EIF4G1: variants seen among roughly 807,000 people sequenced by gnomAD.
EIF4G1 encodes eukaryotic translation initiation factor 4 gamma 1.
A neutral mutation model predicts 187.8 loss-of-function variants in EIF4G1; 4 were observed. The observed-to-expected ratio is 0.02, with a 90% CI of 0.01 to 0.05. EIF4G1 has a LOEUF of 0.05. Ranked by LOEUF, EIF4G1 falls within the 10% of genes least tolerant of loss-of-function variation. The pLI is 1.00. For synonymous variants in EIF4G1, 844 were observed against 781.4 expected (o/e 1.08, Z -1.34); for missense variants, 1,647 against 2,081.1 (o/e 0.79, Z 4.06).
chr3:184,323,250 G>A lies in EIF4G1; in HGVS notation c.2088+9G>A. 6.2e-7 allele frequency: 1 copy of A among 1,614,090 alleles called. No individual in the cohort carries two copies. The highest frequency in any genetic ancestry group is 8.5e-7 in the Non-Finnish European group (1 of 1,179,962). ...AGCTGCCCCGTGGGCCGGTGAGTGG[G>A]GCTGGGTAAAGTGGCAGGTGGGCAA... On this transcript the variant is annotated intron_variant, in intron 14 of 32. Coordinates refer to ENST00000346169, the MANE Select transcript of EIF4G1 (RefSeq NM_198241.3). The surrounding 1 kb of genome is among the most constrained non-coding windows in gnomAD (Gnocchi z 6.9).
At position 184,315,815 on chromosome 3, in the gene EIF4G1, T is replaced by G. The variant is rs929800815; in HGVS notation, c.19T>G (p.Ser7Ala). The change falls in exon 3 of 33, where the codon TCC (serine) becomes GCC (alanine). Residue 7 changes from serine to alanine, a missense_variant. Ser to Ala is a moderately conservative substitution (Grantham distance 99). Around this residue, in one of 11 missense-constraint regions of EIF4G1, gnomAD observed 61 missense variants for 49.5 expected, o/e 1.23. Coordinates refer to ENST00000346169, the MANE Select transcript of EIF4G1 (RefSeq NM_198241.3). MNKAPQ[S>A]TGPPPAPSPG... ...AAATGAAATGAACAAAGCTCCACAGTCCACAGGCCCCCCACCCGCCCCATC... is the reference window on the plus strand; with the variant it reads ...AAATGAAATGAACAAAGCTCCACAGGCCACAGGCCCCCCACCCGCCCCATC... The G allele has an allele frequency of 2.6e-6, 4 of 1,551,230 alleles. No homozygotes were observed. In the African/African-American group the frequency reaches 5.5e-5, roughly 21 times the overall value.
In EIF4G1 at chr3:184,317,374, G is replaced by A. The variant is rs1391648055; in HGVS notation, c.201G>A (p.Gln67=). The change falls in exon 5 of 33, where the codon CAG becomes CAA. Residue 67 remains glutamine (Q), a synonymous_variant. Coordinates refer to ENST00000346169, the MANE Select transcript of EIF4G1 (RefSeq NM_198241.3). ...CGAGCAGTGCAGCCTCCCGAGTGCA[G>A]AGTGCAGCCCCTGCCCGCCCTGGCC... ...QPPSSAASRV[Q]SAAPARPGPA... is the part of the protein sequence containing the mutation. 1 of 1,614,120 alleles carries A rather than the reference G, an allele frequency of 6.2e-7. No homozygotes were observed. Among genetic ancestry groups the A allele is most frequent in the Non-Finnish European group, 8.5e-7 (1 of 1,180,034 alleles).
rs531835004 is a variant in EIF4G1 at position 184,335,350 on chromosome 3, T to C, written c.*442T>C. The C allele has an allele frequency of 1.4e-5, 3 of 218,200 alleles. No individual in the cohort carries two copies. Among genetic ancestry groups the C allele is most frequent in the South Asian group, 6.5e-5 (1 of 15,324 alleles). The allele number at this position is 218,200 out of a possible 1,614,324, so 13.5% of individuals were successfully genotyped here. A position where few individuals can be genotyped will look rare whatever the true frequency, so the allele number is the denominator to read the frequency against. On this transcript the variant is annotated 3_prime_UTR_variant, in exon 33 of 33. Transcript: ENST00000346169. ...CTGTAATTATTAAACATGAATTCAA[T>C]TAAGCTCACTGCCTTTCTGCTTTAT...
rs761318442 is a variant in EIF4G1 at position 184,325,250 on chromosome 3, A to T, written c.2857-19A>T. On this transcript the variant is annotated intron_variant, in intron 18 of 32. Coordinates refer to ENST00000346169, the MANE Select transcript of EIF4G1 (RefSeq NM_198241.3). The surrounding 1 kb of genome is among the most constrained non-coding windows in gnomAD (Gnocchi z 5.2). ...TGGGACATGAGAAGTTCCTGGTCTGATGCCTTTCTCCTTCCTAGCCCCGAA... is the reference window on the plus strand; with the variant it reads ...TGGGACATGAGAAGTTCCTGGTCTGTTGCCTTTCTCCTTCCTAGCCCCGAA... 11 of 1,613,786 alleles carry T rather than the reference A, an allele frequency of 6.8e-6. No homozygotes were observed. In the South Asian group the frequency reaches 1.2e-4, roughly 18 times the overall value.
At chr3:184,331,410 GTCTTCTT>G in intron 29 of EIF4G1, 46 bp downstream of exon 29, 1 of 1,614,228 alleles carries the variant, frequency 6.2e-7, no homozygotes, top group African/African-American at 1.3e-5. Flanking sequence ...AGGCTGGCCA[GTCTTCTT>G]TCTTGTCTCC....
intron 4 of EIF4G1, among the ~76,000 whole-genome samples, chr3:184,316,994 G>C (rs543794719): frequency 5.9e-5 from 9 of 152,294 alleles, no homozygotes; most frequent in African/African-American, 1.4e-4. Context: ...TATGTTGCCC[G>C]AAAGGGCCTT....
chr3:184,319,333 G>A (rs1386437602), intron 6 of EIF4G1: 6 of 342,230 alleles, frequency 1.8e-5, no homozygotes, highest in Non-Finnish European at 3.4e-5. Context: ...AGCGGGTGGG[G>A]TACACACACG....
In EIF4G1 at chr3:184,321,732, C is replaced by G. The variant is rs1256742178; in HGVS notation, c.1148C>G (p.Pro383Arg). 6.3e-7 allele frequency: 1 copy of G among 1,596,382 alleles called. No individual in the cohort carries two copies. Among genetic ancestry groups the G allele is most frequent in the Non-Finnish European group, 8.6e-7 (1 of 1,168,704 alleles). ...EVESSPELAP[P>R]PACPSESPVP... ...GAGTCAAGCCCAGAGCTTGCTCCTC[C>G]CCCAGCTTGCCCCTCCGAATCCCCT... The change falls in exon 10 of 33, where the codon CCC (proline) becomes CGC (arginine). Residue 383 changes from proline to arginine, a missense_variant. Pro to Arg is a moderately radical substitution (Grantham distance 103, BLOSUM62 -2). Coordinates refer to ENST00000346169, the MANE Select transcript of EIF4G1 (RefSeq NM_198241.3).
rs752498624 is a variant in EIF4G1, at chr3:184,325,771, AG to A, written c.3122-77del. 6.2e-7 allele frequency: 1 copy of A among 1,611,514 alleles called. No homozygotes were observed. Among genetic ancestry groups the A allele is most frequent in the Non-Finnish European group, 8.5e-7 (1 of 1,177,658 alleles). On this transcript the variant is annotated intron_variant, in intron 20 of 32. Coordinates refer to ENST00000346169, the MANE Select transcript of EIF4G1 (RefSeq NM_198241.3). The surrounding 1 kb of genome is among the most constrained non-coding windows in gnomAD (Gnocchi z 5.2). ...CATGATGGAACTGAGGATCTGAGGA[AG>A]GGAGGCTGGGGGTGGCCCAAGGGGA...
chr3:184,325,124 C>T lies in EIF4G1; in HGVS notation c.2856+10C>T, dbSNP rs1577222390. 1.2e-6 allele frequency: 2 copies of T among 1,613,530 alleles called. No individual in the cohort carries two copies. The highest frequency in any genetic ancestry group is 4.5e-5 in the East Asian group (2 of 44,858). ...CTTTGAAAAAGCCAAGGTAGAGGTC[C>T]TTGCATCTGGAGGGGGATGGGCTGA... On this transcript the variant is annotated intron_variant, in intron 18 of 32. Transcript: ENST00000346169. This position sits in a 1 kb window ranked among gnomAD's most constrained non-coding sequence, Gnocchi z 5.2.
Position 184,322,740 on chromosome 3 carries a change from A to C in EIF4G1, c.1795+10A>C. 6.2e-7 allele frequency: 1 copy of C among 1,614,254 alleles called. No homozygotes were observed. Among genetic ancestry groups the C allele is most frequent in the South Asian group, 1.1e-5 (1 of 91,090 alleles). On this transcript the variant is annotated intron_variant, in intron 12 of 32. Coordinates refer to ENST00000346169, the MANE Select transcript of EIF4G1 (RefSeq NM_198241.3). ...TATGAATATAAGTCAGGTATGCTGA[A>C]GAAAGGGTTGAGAATGGCTTGAGTT...
intron 32 of EIF4G1, 138 bp downstream of exon 32, chr3:184,332,224 T>C (rs2108522712): frequency 8.6e-7 from 1 of 1,157,288 alleles, no homozygotes; most frequent in Non-Finnish European, 1.2e-6. Context: ...GGTTTCATTC[T>C]TTCCTTTTAC....
At position 184,323,314 on chromosome 3, in the gene EIF4G1, G is replaced by GGGAGGGGTTTGCCCT; in HGVS notation, c.2088+79_2089-74dup. 6.2e-7 allele frequency: 1 copy of GGGAGGGGTTTGCCCT among 1,611,760 alleles called. No homozygotes were observed. On this transcript the variant is annotated intron_variant, in intron 14 of 32. Transcript: ENST00000346169. The surrounding 1 kb of genome is among the most constrained non-coding windows in gnomAD (Gnocchi z 6.9). The stretch of plus-strand genomic sequence containing the variant: ...ATGATTCCGTGTCTCAGTGCCCGCG[G>GGGAGGGGTTTGCCCT]GGAGGGGTTTGCCCTGGAGGCGTGT...
At position 184,314,688 on chromosome 3, in the gene EIF4G1, G is replaced by T. The variant is rs1342870568; in HGVS notation, c.-92+14G>T. The T allele has an allele frequency of 6.6e-6, 1 of 151,440 alleles. No individual in the cohort carries two copies. The highest frequency in any genetic ancestry group is 1.5e-5 in the Non-Finnish European group (1 of 67,728). The allele number at this position is 151,440 out of a possible 1,614,324, so 9.4% of individuals were successfully genotyped here. A position where few individuals can be genotyped will look rare whatever the true frequency, so the allele number is the denominator to read the frequency against. On this transcript the variant is annotated intron_variant, in intron 1 of 32. Coordinates refer to ENST00000346169, the MANE Select transcript of EIF4G1 (RefSeq NM_198241.3). ...AGGAGACTGAAGGTAAAGCCGCCAT[G>T]TCCGGGCCCGACCCGGCCCCCCCAC...
chr3:184,328,603 A>G, intron 26 of EIF4G1, 28 bp from the exon 27 acceptor site: 3 of 1,614,040 alleles, frequency 1.9e-6, no homozygotes, highest in East Asian at 4.5e-5. Flanking sequence ...CTGGCCTAGA[A>G]TGTCTTGACT....
At position 184,327,837 on chromosome 3, in the gene EIF4G1, T is replaced by C; in HGVS notation, c.3788T>C (p.Val1263Ala). 1 of 1,614,048 alleles carries C rather than the reference T, an allele frequency of 6.2e-7. No individual in the cohort carries two copies. Among genetic ancestry groups the C allele is most frequent in the South Asian group, 1.1e-5 (1 of 91,082 alleles). The change falls in exon 26 of 33, where the codon GTC becomes GCC. Residue 1263 changes from valine to alanine, a missense_variant. Physicochemically the swap from Val to Ala is moderately conservative, Grantham distance 64. This residue lies in a region of EIF4G1 where 543 missense variants were observed against 638.0 expected (regional missense o/e 0.85). Coordinates refer to ENST00000346169, the MANE Select transcript of EIF4G1 (RefSeq NM_198241.3). ...YLHLNDMKEA[V>A]QCVQELASPS... ...GTGCCCTGCACCCCTCAGGAGGCAG[T>C]CCAGTGCGTGCAGGAGCTGGCCTCA...
intron 6 of EIF4G1, 87 bp downstream of exon 6, chr3:184,317,903 C>A: frequency 3.0e-6 from 3 of 1,005,754 alleles, no homozygotes; most frequent in South Asian, 1.3e-5. Flanking sequence ...AAGACCCTTC[C>A]CAGGCTTGGC....
At chr3:184,321,182 G>T in intron 9 of EIF4G1, 100 bp from the exon 10 acceptor site, 1 of 1,538,334 alleles carries the variant, frequency 6.5e-7, no homozygotes, top group East Asian at 2.3e-5. Flanking sequence ...AAGATGATGC[G>T]GGGTTATTAA....
Position 184,332,214 on chromosome 3 carries a change from G to A in EIF4G1, c.4618+128G>A. 14 of 1,233,824 alleles carry A rather than the reference G, an allele frequency of 1.1e-5. No homozygotes were observed. The South Asian group carries it at 1.2e-4, about 10-fold the overall frequency. 76.4% of individuals were successfully genotyped at this position (1,233,824 alleles called of 1,614,324 possible). Reference sequence around the variant, plus strand: ...TCATTAGAGAGCAAAATGCCCTCTGGGTTTCATTCTTTCCTTTTACGTTTG... The same window carrying A: ...TCATTAGAGAGCAAAATGCCCTCTGAGTTTCATTCTTTCCTTTTACGTTTG... On this transcript the variant is annotated intron_variant, in intron 32 of 32. Transcript: ENST00000346169.
Sources: gnomAD v4.1 joint callset for allele counts (sites outside exome capture counted in the v4.1 genomes callset) on GRCh38, gnomAD v4.1.1 for gene constraint, gnomAD v4.1.1 regional missense constraint, Gnocchi (gnomAD v3.1) non-coding constraint, MANE v1.5 for transcripts, NCBI Gene and HGNC (gene_info 2026-07-23, HGNC 2026-07-21) for gene names.